MIA2: variants seen among roughly 807,000 people sequenced by gnomAD.
MIA2 encodes the protein melanoma inhibitory activity protein 2.
MIA2 carries 127 observed loss-of-function variants against 167.8 expected under a neutral mutation model. The observed-to-expected ratio is 0.76, with a 90% confidence interval of 0.66 to 0.88. The LOEUF (loss-of-function observed/expected upper bound fraction) is 0.88, where lower values mean the gene tolerates loss of function less well. Ranked by LOEUF, MIA2 falls within the 40% of genes least tolerant of loss-of-function variation. MIA2 has a pLI of 0.00. For missense variants in MIA2, 1,690 were observed against 1,624.7 expected, an observed-to-expected ratio of 1.04 and a Z score of -0.69; for synonymous variants, 552 against 541.9, an observed-to-expected ratio of 1.02 and a Z score of -0.26.
chr14:39,336,319 T>C (rs1444527197), intron 25 of MIA2, among the ~76,000 whole-genome samples: 1 of 152,200 alleles, frequency 6.6e-6, no homozygotes, highest in African/African-American at 2.4e-5. Flanking sequence ...TGGAATCTCA[T>C]TGTGGTTTTG....
At chr14:39,236,876 T>C (rs774940662) in intron 1 of MIA2, 46 bp from the exon 2 acceptor site, 2 of 1,531,988 alleles carry the variant, frequency 1.3e-6, no homozygotes, top group East Asian at 4.5e-5. Context: ...AGGAGAAATA[T>C]CATTTTAATT....
At chr14:39,381,022 CAAAA>C (rs59734735) in intron 23 of MIA2, among the ~76,000 whole-genome samples, 11 of 109,724 alleles carry the variant, frequency 1.0e-4, no homozygotes, top group East Asian at 2.7e-4. Context: ...GTAAAAAAAA[CAAAA>C]AAAAAAAAAA....
At chr14:39,296,559 G>T (rs144881781) in intron 13 of MIA2, among the ~76,000 whole-genome samples, 113 of 150,584 alleles carry the variant, frequency 7.5e-4, no homozygotes, top group Middle Eastern at 3.5e-3. Flanking sequence ...AGGATTACAG[G>T]TGTGAGCCAC....
At chr14:39,297,219 G>A (rs1240083978) in intron 13 of MIA2, among the ~76,000 whole-genome samples, 1 of 151,928 alleles carries the variant, frequency 6.6e-6, no homozygotes, top group Non-Finnish European at 1.5e-5. Flanking sequence ...TCAGCCTCCC[G>A]AGTAGCTGGG....
rs1566747928 is a variant in MIA2, at chr14:39,288,460, TATATATATATATATA to T, written c.2131-2558_2131-2544del. Reference sequence around the variant, plus strand: ...ATATATATATATATATATATATATATATATATATATATATATTTTTTTTTTTTTTTTTGAGACGGA... The same window carrying T: ...ATATATATATATATATATATATATATTTTTTTTTTTTTTTTTTGAGACGGA... On this transcript the variant is annotated intron_variant, in intron 9 of 28. Coordinates refer to ENST00000640607, the MANE Select transcript of MIA2 (RefSeq NM_001329214.4). Among the ~76,000 whole-genome samples, 69 of 15,888 alleles carry T rather than the reference TATATATATATATATA, an allele frequency of 4.3e-3. 1 individual carries two copies. Among genetic ancestry groups the T allele is most frequent in the African/African-American group, 9.1e-3 (48 of 5,278 alleles). 10.4% of individuals were successfully genotyped at this position (15,888 alleles called of 152,430 possible). A position where few individuals can be genotyped will look rare whatever the true frequency, so the allele number is the denominator to read the frequency against.
chr14:39,236,363 A>G (rs2053747037), intron 1 of MIA2, among the ~76,000 whole-genome samples: 1 of 152,094 alleles, frequency 6.6e-6, no homozygotes, highest in African/African-American at 2.4e-5. Context: ...AGCTCAGAAT[A>G]AGGAAGAGGA....
At chr14:39,364,226 C>A in intron 23 of MIA2, among the ~76,000 whole-genome samples, 1 of 151,892 alleles carries the variant, frequency 6.6e-6, no homozygotes, top group Non-Finnish European at 1.5e-5. Flanking sequence ...GGTGTGGTGG[C>A]GCGCGCCTGT....
rs746157293 is a variant in MIA2, at chr14:39,234,027, G to A, written c.-88G>A. ...TTTTCTCTTATAGTTAGTGAAGAGA[G>A]TAGAATATCTCCAGTTTTGGCTGAC... On this transcript the variant is annotated 5_prime_UTR_variant, in exon 1 of 29. Transcript: ENST00000640607. The A allele has an allele frequency of 6.3e-5, 45 of 712,072 alleles. No homozygotes were observed. Among genetic ancestry groups the A allele is most frequent in the Non-Finnish European group, 1.0e-4 (44 of 423,046 alleles). 44.1% of individuals were successfully genotyped at this position (712,072 alleles called of 1,614,324 possible).
At chr14:39,343,817 G>C (rs1262224270) in intron 25 of MIA2, among the ~76,000 whole-genome samples, 2 of 152,066 alleles carry the variant, frequency 1.3e-5, no homozygotes, top group Admixed American at 1.3e-4. Flanking sequence ...GCATATGAGG[G>C]TGTGTGTATA....
At chr14:39,322,648 A>C (rs1255347899) in intron 24 of MIA2, among the ~76,000 whole-genome samples, 1 of 151,688 alleles carries the variant, frequency 6.6e-6, no homozygotes, top group Non-Finnish European at 1.5e-5. Context: ...CATTTATCTC[A>C]TCAGCATCAC....
intron 6 of MIA2, among the ~76,000 whole-genome samples, chr14:39,263,037 A>C (rs2055202545): frequency 1.3e-5 from 2 of 152,248 alleles, no homozygotes; most frequent in Admixed American, 1.3e-4. Context: ...CCCTAGCCAG[A>C]ACTTCGAACA....
intron 25 of MIA2, among the ~76,000 whole-genome samples, chr14:39,343,207 T>C (rs1276852403): frequency 6.6e-6 from 1 of 152,176 alleles, no homozygotes; most frequent in Non-Finnish European, 1.5e-5. Context: ...TGCAGTGGCG[T>C]GATCTTGGCT....
intron 17 of MIA2, among the ~76,000 whole-genome samples, chr14:39,306,555 A>C (rs1206851844): frequency 1.3e-5 from 2 of 152,178 alleles, no homozygotes; most frequent in Non-Finnish European, 2.9e-5. Flanking sequence ...ATCACCTCCC[A>C]TCTGGCCCCA....
chr14:39,272,662 T>G (rs1052336543), intron 6 of MIA2, among the ~76,000 whole-genome samples: 11 of 152,084 alleles, frequency 7.2e-5, no homozygotes, highest in African/African-American at 2.7e-4. Context: ...TGCTTGAGGC[T>G]GAGGTGGGAG....
chr14:39,350,110 A>G lies in MIA2; in HGVS notation c.4085A>G (p.Tyr1362Cys), dbSNP rs147469080. The change falls in exon 29 of 29, where the codon TAT (tyrosine) becomes TGT (cysteine). Residue 1362 changes from tyrosine (Y) to cysteine (C), a missense_variant. Physicochemically the swap from Tyr to Cys is radical, Grantham distance 194. Transcript: ENST00000640607. The part of the protein sequence containing the change: ...PPAPFAMRNV[Y>C]PPRGFPPYLP... ...TCTCTTTGAACAGTGAGAAATGTCT[A>G]TCCACCGAGGGGTTTTCCTCCTTAC... 8.7e-5 allele frequency: 115 copies of G among 1,322,290 alleles called. No homozygotes were observed. The highest frequency in any genetic ancestry group is 7.3e-4 in the Middle Eastern group (4 of 5,462). 81.9% of individuals were successfully genotyped at this position (1,322,290 alleles called of 1,614,324 possible).
At chr14:39,298,646 AT>A (rs1315146606) in intron 13 of MIA2, among the ~76,000 whole-genome samples, 1 of 149,968 alleles carries the variant, frequency 6.7e-6, no homozygotes, top group African/African-American at 2.4e-5. Context: ...GACTAAATAA[AT>A]TTAGACTTTT....
rs533140919 is a variant in MIA2, at chr14:39,334,823, C to T, written c.3655+7801C>T. 2.0e-5 allele frequency among the ~76,000 whole-genome samples: 3 copies of T among 152,282 alleles called. No individual in the cohort carries two copies. The East Asian group carries it at 5.8e-4, about 30-fold the overall frequency. On this transcript the variant is annotated intron_variant, in intron 25 of 28. Coordinates refer to ENST00000640607, the MANE Select transcript of MIA2 (RefSeq NM_001329214.4). ...CCTCAGGTGATCCACCTGCCTTGGC[C>T]TCCCAAAGTGCTGTGATTACAGGTG...
rs200229864 is a variant in MIA2 at position 39,260,799 on chromosome 14, TG to T, written c.1887+7630del. On this transcript the variant is annotated intron_variant, in intron 6 of 28. Transcript: ENST00000640607. The stretch of plus-strand genomic sequence containing the variant: ...TCCTTGTCCATGCCTATGTCCTGAA[TG>T]GTATTGCCTAGGTTTTCTTCTAGGG... Among the ~76,000 whole-genome samples, 678 of 152,320 alleles carry T rather than the reference TG, an allele frequency of 4.5e-3. 1 individual carries two copies. The highest frequency in any genetic ancestry group is 0.013 in the African/African-American group (552 of 41,580).
At chr14:39,324,669 C>T (rs1018270278) in intron 24 of MIA2, among the ~76,000 whole-genome samples, 9 of 151,366 alleles carry the variant, frequency 5.9e-5, no homozygotes, top group African/African-American at 1.9e-4. Context: ...TGCAGTGGCA[C>T]GATCTCGGTT....
Sources: gnomAD v4.1 joint callset for allele counts (sites outside exome capture counted in the v4.1 genomes callset) on GRCh38, gnomAD v4.1.1 for gene constraint, MANE v1.5 for transcripts, NCBI Gene and HGNC (gene_info 2026-07-23, HGNC 2026-07-21) for gene names.